The following LTBP1 variants were observed in gnomAD, a reference collection of about 807,000 sequenced individuals.
The protein encoded by LTBP1 is latent-transforming growth factor beta-binding protein 1.
LTBP1 carries 129 observed loss-of-function variants against 207.6 expected under a neutral mutation model. That is an observed-to-expected ratio of 0.62 (90% CI 0.54 to 0.72). The LOEUF (loss-of-function observed/expected upper bound fraction) is 0.72, where lower values mean the gene tolerates loss of function less well. Among genes scored for constraint, LTBP1 ranks in the 30% least tolerant of loss-of-function variants. The pLI is 0.00. For missense variants in LTBP1, 2,281 were observed against 2,217.2 expected (o/e 1.03, Z -0.58); for synonymous variants, 963 against 833.7 (o/e 1.16, Z -2.67).
At chr2:33,359,196 G>A (rs2094898638) in intron 26 of LTBP1, among the ~76,000 whole-genome samples, 1 of 152,128 alleles carries the variant, frequency 6.6e-6, no homozygotes, top group Admixed American at 6.5e-5. Flanking sequence ...ACTGGATGAG[G>A]GATCTTTATA....
chr2:33,202,975 A>G (rs980925065), intron 7 of LTBP1, among the ~76,000 whole-genome samples: 5 of 152,244 alleles, frequency 3.3e-5, no homozygotes, highest in African/African-American at 1.2e-4. Flanking sequence ...AGTCATTAAC[A>G]CCAGGCACTT....
At chr2:33,303,917 C>G (rs1194889879) in intron 22 of LTBP1, among the ~76,000 whole-genome samples, 1 of 152,208 alleles carries the variant, frequency 6.6e-6, no homozygotes, top group Non-Finnish European at 1.5e-5. Context: ...TCAGCATCTC[C>G]TCTGTCCTGA....
intron 2 of LTBP1, among the ~76,000 whole-genome samples, chr2:32,970,994 C>G (rs2148578012): frequency 7.5e-6 from 1 of 133,916 alleles, no homozygotes; most frequent in South Asian, 2.6e-4. Context: ...AGCTGTATTC[C>G]TAGGTATTTG....
intron 24 of LTBP1, among the ~76,000 whole-genome samples, chr2:33,321,005 ATAAT>A (rs2094345900): frequency 6.6e-6 from 1 of 152,126 alleles, no homozygotes; most frequent in Admixed American, 6.5e-5. Flanking sequence ...CATTTTATTA[ATAAT>A]TCTATATTCC....
At chr2:33,018,174 G>T (rs1387500807) in intron 2 of LTBP1, among the ~76,000 whole-genome samples, 4 of 147,318 alleles carry the variant, frequency 2.7e-5, no homozygotes, top group African/African-American at 1.0e-4. Context: ...TAACTTTTAT[G>T]ACTGTCTCCC....
intron 1 of LTBP1, 26 bp from the exon 2 acceptor site, chr2:32,948,849 G>T (rs1259065318): frequency 6.2e-7 from 1 of 1,610,214 alleles, no homozygotes; most frequent in Admixed American, 1.7e-5. Context: ...TCTGCTGCTG[G>T]ACTCAGCGAT....
chr2:33,131,940 T>C (rs1394481721), intron 4 of LTBP1, among the ~76,000 whole-genome samples: 7 of 151,942 alleles, frequency 4.6e-5, no homozygotes, highest in African/African-American at 1.7e-4. Context: ...GGAGGTGAAA[T>C]GGGAATAATG....
chr2:33,162,652 T>C (rs1337433939), intron 5 of LTBP1, among the ~76,000 whole-genome samples: 3 of 152,248 alleles, frequency 2.0e-5, no homozygotes, highest in Non-Finnish European at 4.4e-5. Context: ...AGATGATGAA[T>C]AAGCTGAAAG....
intron 3 of LTBP1, among the ~76,000 whole-genome samples, chr2:33,034,090 A>T (rs543592306): frequency 2.6e-5 from 4 of 152,180 alleles, no homozygotes; most frequent in African/African-American, 9.7e-5. Flanking sequence ...TCTTTCTCTC[A>T]GATGGCATTT....
At chr2:33,213,790 G>A (rs556553317) in intron 7 of LTBP1, among the ~76,000 whole-genome samples, 1 of 152,278 alleles carries the variant, frequency 6.6e-6, no homozygotes, top group African/African-American at 2.4e-5. Flanking sequence ...TTCTTATACT[G>A]TGCAGACCCA....
chr2:33,065,996 AT>A (rs922152468), intron 3 of LTBP1, among the ~76,000 whole-genome samples: 3 of 151,862 alleles, frequency 2.0e-5, no homozygotes, highest in African/African-American at 7.3e-5. Context: ...GGCTGTTTGC[AT>A]TTTTTTCCTC....
chr2:33,062,854 G>C (rs1219869330), intron 3 of LTBP1, among the ~76,000 whole-genome samples: 3 of 152,186 alleles, frequency 2.0e-5, no homozygotes, highest in Non-Finnish European at 4.4e-5. Context: ...AAGAAGGTGT[G>C]AGTCATGTCC....
chr2:33,274,672 T>G (rs1222272987), intron 16 of LTBP1, among the ~76,000 whole-genome samples: 2 of 152,208 alleles, frequency 1.3e-5, no homozygotes, highest in African/African-American at 4.8e-5. Flanking sequence ...TGCTTGGATG[T>G]CTCTCGTTAT....
Position 33,254,549 on chromosome 2 carries a change from G to GTTTTTTT in LTBP1, c.2167+1718_2167+1724dup, listed in dbSNP as rs531576154. Among the ~76,000 whole-genome samples, 2 of 95,582 alleles carry GTTTTTTT rather than the reference G, an allele frequency of 2.1e-5. 1 individual carries two copies. Among genetic ancestry groups the GTTTTTTT allele is most frequent in the African/African-American group, 8.6e-5 (2 of 23,346 alleles). The allele number at this position is 95,582 out of a possible 152,430, so 62.7% of individuals were successfully genotyped here. A position where few individuals can be genotyped will look rare whatever the true frequency, so the allele number is the denominator to read the frequency against. ...TTAGTTCGTTAATTCTTTAAACTTG[G>GTTTTTTT]TTTTTTTTTTTTTTTTTTTAGGGAG... On this transcript the variant is annotated intron_variant, in intron 11 of 33. Coordinates refer to ENST00000404816, the MANE Select transcript of LTBP1 (RefSeq NM_206943.4).
At chr2:33,240,569 A>G (rs922191877) in intron 9 of LTBP1, among the ~76,000 whole-genome samples, 5 of 151,018 alleles carry the variant, frequency 3.3e-5, no homozygotes, top group South Asian at 2.1e-4. Flanking sequence ...CTGAAGTCCT[A>G]TGTTAAAATT....
chr2:33,369,374 AATTTTAACCTCCAGCATAC>A (rs2095039792), intron 31 of LTBP1, among the ~76,000 whole-genome samples: 2 of 152,278 alleles, frequency 1.3e-5, no homozygotes, highest in African/African-American at 2.4e-5. Flanking sequence ...ACTGTATTGT[AATTTTAACCTCCAGCATAC>A]ACATTCATTG....
intron 23 of LTBP1, among the ~76,000 whole-genome samples, chr2:33,314,654 G>T (rs1462586345): frequency 6.6e-6 from 1 of 152,180 alleles, no homozygotes; most frequent in Non-Finnish European, 1.5e-5. Context: ...GCAGACATTT[G>T]TGAAGTGCCA....
chr2:33,285,757 T>C (rs1198557779), intron 19 of LTBP1: 1 of 152,064 alleles, frequency 6.6e-6, no homozygotes, highest in African/African-American at 2.4e-5. Flanking sequence ...TTTTGGAGCA[T>C]TCTTTTATGA....
At chr2:33,291,051 G>A (rs986453189) in intron 19 of LTBP1, among the ~76,000 whole-genome samples, 1 of 152,174 alleles carries the variant, frequency 6.6e-6, no homozygotes, top group Non-Finnish European at 1.5e-5. Context: ...GTCTCATTAA[G>A]GCAATGTACT....
Sources: allele counts gnomAD v4.1 joint callset (sites outside exome capture counted in the v4.1 genomes callset), GRCh38; gene constraint gnomAD v4.1.1; transcripts MANE v1.5; gene names NCBI Gene and HGNC (gene_info 2026-07-23, HGNC 2026-07-21).